Variants in PTH2R observed in about 807,000 individuals in gnomAD.
The protein encoded by PTH2R is PTH2 receptor.
A neutral mutation model predicts 60.3 loss-of-function variants in PTH2R; 59 were observed. The ratio of observed to expected loss-of-function variants is 0.98; its 90% CI spans 0.79 to 1.22. PTH2R has a LOEUF of 1.22. Ranked by LOEUF, PTH2R falls within the 50% of genes most tolerant of loss-of-function variation. PTH2R has a pLI of 0.00. For synonymous variants in PTH2R, 256 were observed against 243.8 expected, an observed-to-expected ratio of 1.05 and a Z score of -0.47; for missense variants, 749 against 682.6, an observed-to-expected ratio of 1.10 and a Z score of -1.08.
intron 7 of PTH2R, among the ~76,000 whole-genome samples, chr2:208,445,394 A>G (rs370483776): frequency 6.6e-6 from 1 of 152,222 alleles, no homozygotes; most frequent in Non-Finnish European, 1.5e-5. Context: ...TTAGAAGGAA[A>G]TTATTCAAAT....
At chr2:208,414,482 CA>C (rs1418050442) in intron 1 of PTH2R, among the ~76,000 whole-genome samples, 1 of 152,030 alleles carries the variant, frequency 6.6e-6, no homozygotes, top group Admixed American at 6.6e-5. Flanking sequence ...TCAATAAAAG[CA>C]ATAACCATTG....
rs960700144 is a variant in PTH2R, at chr2:208,433,507, T to C, written c.179-4030T>C. On this transcript the variant is annotated intron_variant, in intron 2 of 12. Transcript: ENST00000272847. ...TGTCAGACTGTCTATACTTTAGAAA[T>C]CTGTAGCAAAAAATAAATTAGATTA... Among the ~76,000 whole-genome samples, 3 of 152,200 alleles carry C rather than the reference T, an allele frequency of 2.0e-5. 1 individual carries two copies. The highest frequency in any genetic ancestry group is 4.8e-5 in the African/African-American group (2 of 41,466).
At chr2:208,428,812 C>A (rs539726777) in intron 2 of PTH2R, among the ~76,000 whole-genome samples, 15 of 152,288 alleles carry the variant, frequency 9.8e-5, no homozygotes, top group Middle Eastern at 3.4e-3. Flanking sequence ...CAGCCGGGCA[C>A]GGTGGCTCAC....
intron 1 of PTH2R, among the ~76,000 whole-genome samples, chr2:208,425,063 A>G (rs1701830636): frequency 6.6e-6 from 1 of 152,194 alleles, no homozygotes; most frequent in Non-Finnish European, 1.5e-5. Context: ...AAAAATTTCT[A>G]AAACTCTAAT....
At chr2:208,373,871 T>C (rs1318782920) in intron 1 of PTH2R, among the ~76,000 whole-genome samples, 1 of 152,102 alleles carries the variant, frequency 6.6e-6, no homozygotes, top group African/African-American at 2.4e-5. Flanking sequence ...TTAGAAATAG[T>C]TTAATATATT....
chr2:208,418,161 A>G (rs1049098767), intron 1 of PTH2R, among the ~76,000 whole-genome samples: 1 of 152,148 alleles, frequency 6.6e-6, no homozygotes, highest in African/African-American at 2.4e-5. Flanking sequence ...CAAAAATAAA[A>G]TAACTAGAAA....
chr2:208,430,015 C>T (rs1367218921), intron 2 of PTH2R, among the ~76,000 whole-genome samples: 1 of 152,164 alleles, frequency 6.6e-6, no homozygotes, highest in African/African-American at 2.4e-5. Context: ...TCCCCAGTTC[C>T]AACTCTCTTT....
At chr2:208,440,259 A>G (rs1031448158) in intron 4 of PTH2R, among the ~76,000 whole-genome samples, 1 of 152,188 alleles carries the variant, frequency 6.6e-6, no homozygotes, top group Non-Finnish European at 1.5e-5. Flanking sequence ...CATCTCTTAA[A>G]GTCATAACAA....
At chr2:208,442,184 TG>T (rs1702198370) in intron 4 of PTH2R, among the ~76,000 whole-genome samples, 179 bp from the exon 5 acceptor site, 1 of 152,160 alleles carries the variant, frequency 6.6e-6, no homozygotes, top group South Asian at 2.1e-4. Context: ...CAAATGAACT[TG>T]GTTTGTCAAA....
rs370465415 is a variant in PTH2R, at chr2:208,437,516, T to C, written c.179-21T>C. 2.0e-5 allele frequency: 31 copies of C among 1,565,418 alleles called. No individual in the cohort carries two copies. In the African/African-American group the frequency reaches 4.0e-4, roughly 20 times the overall value. On this transcript the variant is annotated intron_variant, in intron 2 of 12. Transcript: ENST00000272847. ...CTACATTTTTCTTTGTTTATTTGCT[T>C]TAATTTTTTTTTCTCATTAGAAGGT...
chr2:208,365,956 ATATATTTTTTTTTTTTTTTTTTT>A (rs1700582015), intron 1 of PTH2R, among the ~76,000 whole-genome samples: 1 of 19,440 alleles, frequency 5.1e-5, no homozygotes, highest in Non-Finnish European at 8.7e-5. Flanking sequence ...ATATATATAT[ATATATTTTTTTTTTTTTTTTTTT>A]TTTTTTTTTT....
At chr2:208,474,405 G>A (rs1294443169) in intron 9 of PTH2R, among the ~76,000 whole-genome samples, 3 of 152,166 alleles carry the variant, frequency 2.0e-5, no homozygotes, top group Non-Finnish European at 4.4e-5. Flanking sequence ...GAATAGGGAA[G>A]AGACAACACC....
chr2:208,400,494 A>G lies in PTH2R; in HGVS notation c.-258-27707A>G, dbSNP rs1178672894. On this transcript the variant is annotated intron_variant, in intron 1 of 12. Coordinates refer to the PTH2R transcript ENST00000617735. ...TTTCTCATTAGAATGTCTTTTTCAG[A>G]TGTCTAGTTTAACCTGGTATCCTAG... is the stretch of plus-strand genomic sequence containing the variant. Among the ~76,000 whole-genome samples, 4 of 152,312 alleles carry G rather than the reference A, an allele frequency of 2.6e-5. No individual in the cohort carries two copies. In the East Asian group the frequency reaches 5.8e-4, roughly 22 times the overall value.
At chr2:208,402,327 T>C (rs570871652), upstream of PTH2R, among the ~76,000 whole-genome samples, 4 of 152,332 alleles carry the variant, frequency 2.6e-5, no homozygotes, top group East Asian at 1.9e-4. Context: ...TTATATTATG[T>C]TATTTTGTCC....
At chr2:208,402,886 G>A (rs537223422), upstream of PTH2R, among the ~76,000 whole-genome samples, 6 of 152,142 alleles carry the variant, frequency 3.9e-5, no homozygotes, top group Admixed American at 1.3e-4. Flanking sequence ...ATAGGGGCAC[G>A]GTAGAATAGT....
intron 2 of PTH2R, among the ~76,000 whole-genome samples, chr2:208,435,478 G>A (rs2105863074): frequency 6.6e-6 from 1 of 152,074 alleles, no homozygotes; most frequent in East Asian, 1.9e-4. Flanking sequence ...GGAAGAGGAA[G>A]GCAAAAGAAT....
At chr2:208,434,736 G>A (rs1306606617) in intron 2 of PTH2R, among the ~76,000 whole-genome samples, 1 of 152,158 alleles carries the variant, frequency 6.6e-6, no homozygotes, top group Non-Finnish European at 1.5e-5. Context: ...ATAAAGACAT[G>A]TGGCTTGTTA....
intron 1 of PTH2R, among the ~76,000 whole-genome samples, chr2:208,397,028 CCAT>C (rs1440882756): frequency 2.0e-5 from 3 of 152,076 alleles, no homozygotes; most frequent in Non-Finnish European, 4.4e-5. Context: ...AAGCTGGAAA[CCAT>C]CATTCTCAGC....
At chr2:208,364,495 C>T (rs567781001) in intron 1 of PTH2R, among the ~76,000 whole-genome samples, 2 of 152,174 alleles carry the variant, frequency 1.3e-5, no homozygotes, top group South Asian at 4.2e-4. Flanking sequence ...GTCCTTTTCC[C>T]ATTTAGTGCT....
Sources: allele counts gnomAD v4.1 joint callset (sites outside exome capture counted in the v4.1 genomes callset), GRCh38; gene constraint gnomAD v4.1.1; transcripts MANE v1.5; gene names NCBI Gene and HGNC (gene_info 2026-07-23, HGNC 2026-07-21).